ZNF841: variants seen among roughly 807,000 people sequenced by gnomAD.
The protein encoded by ZNF841 is zinc finger protein 841, also known as TCONS_00006091.
A neutral mutation model predicts 13.0 loss-of-function variants in ZNF841; 11 were observed. That is an observed-to-expected ratio of 0.85 (90% confidence interval 0.53 to 1.40). The LOEUF (loss-of-function observed/expected upper bound fraction) is 1.40. ZNF841 is among the 40% of genes most tolerant of loss of function. ZNF841 has a pLI of 0.00. For missense variants in ZNF841, 1,068 were observed against 1,139.5 expected (o/e 0.94, Z 0.90); for synonymous variants, 369 against 381.6 (o/e 0.97, Z 0.38).
Position 52,065,937 on chromosome 19 carries a change from C to T in ZNF841, c.1945G>A (p.Gly649Arg), listed in dbSNP as rs758703256. ...TCATTACATTTATAAGGTTTCTCTCCGGTATGAATTTTCCGATGACGTGCT... is the reference window on the plus strand; with the variant it reads ...TCATTACATTTATAAGGTTTCTCTCTGGTATGAATTTTCCGATGACGTGCT... ...CLARHRKIHT[G>R]EKPYKCNDCG... The change falls in exon 7 of 7, where the codon GGA (glycine) becomes AGA (arginine). Residue 649 changes from glycine to arginine, a missense_variant. Transcript: ENST00000594440. 1.4e-5 allele frequency: 22 copies of T among 1,614,048 alleles called. 1 individual carries two copies. Among genetic ancestry groups the T allele is most frequent in the Non-Finnish European group, 1.8e-5 (21 of 1,180,048 alleles).
At position 52,066,316 on chromosome 19, in the gene ZNF841, A is replaced by G. The variant is rs1193810225; in HGVS notation, c.1566T>C (p.Phe522=). 5.0e-6 allele frequency: 8 copies of G among 1,613,688 alleles called. No homozygotes were observed. The African/African-American group carries it at 1.1e-4, about 22-fold the overall frequency. ...PYKCNECGKA[F]NWGSLLTVHQ... is the part of the protein sequence containing the mutation. Reference sequence around the variant, plus strand: ...GTACAGTTAGTAATGAGCCCCAATTAAAGGCTTTGCCACATTCATTACATT... The same window carrying G: ...GTACAGTTAGTAATGAGCCCCAATTGAAGGCTTTGCCACATTCATTACATT... The change falls in exon 7 of 7, where the codon TTT becomes TTC. Residue 522 remains phenylalanine (F), a synonymous_variant. Coordinates refer to ENST00000594440, the MANE Select transcript of ZNF841 (RefSeq NM_001136499.2).
At chr19:52,076,353 G>T in intron 5 of ZNF841, 181 bp from the exon 6 acceptor site, 1 of 725,360 alleles carries the variant, frequency 1.4e-6, no homozygotes, top group Non-Finnish European at 2.1e-6. Flanking sequence ...TCTCTCCCAA[G>T]AAATACTGAA....
intron 4 of ZNF841, among the ~76,000 whole-genome samples, chr19:52,078,185 G>T (rs1013051209): frequency 6.6e-6 from 1 of 152,062 alleles, no homozygotes; most frequent in African/African-American, 2.4e-5. Flanking sequence ...AGCTACTGGG[G>T]AGGCTGACAC....
chr19:52,060,061 C>T (rs2087372697), downstream of ZNF841, among the ~76,000 whole-genome samples: 1 of 152,190 alleles, frequency 6.6e-6, no homozygotes, highest in South Asian at 2.1e-4. Flanking sequence ...TGTATCTGGG[C>T]CACTGCTTGG....
Position 52,084,767 on chromosome 19 carries a change from C to A in ZNF841, c.15+20G>T, listed in dbSNP as rs1410127233. 2 of 1,613,172 alleles carry A rather than the reference C, an allele frequency of 1.2e-6. No individual in the cohort carries two copies. The highest frequency in any genetic ancestry group is 1.7e-6 in the Non-Finnish European group (2 of 1,179,546). ...CAAAAAGGGAGGAGACAGAACAATC[C>A]ACCAAGATTATCACTTTACCTGAGG... On this transcript the variant is annotated intron_variant, in intron 4 of 6. Coordinates refer to ENST00000594440, the MANE Select transcript of ZNF841 (RefSeq NM_001136499.2).
In ZNF841 at chr19:52,066,394, T is replaced by C. The variant is rs1568535030; in HGVS notation, c.1488A>G (p.Gln496=). The C allele has an allele frequency of 3.1e-6, 5 of 1,613,654 alleles. No homozygotes were observed. The African/African-American group carries it at 4.0e-5, about 13-fold the overall frequency. Residue 496 remains glutamine, a synonymous_variant, in exon 7 of 7, where the codon CAA becomes CAG. Transcript: ENST00000594440. The part of the protein sequence containing the change: ...KCNECGKVFS[Q]HSHLAVHQRV... ...TCTGATGCACTGCAAGATGTGAATG[T>C]TGACTGAAGACCTTGCCACATTCAT... is the stretch of plus-strand genomic sequence containing the variant.
At chr19:52,077,226 G>A (rs768043019) in intron 4 of ZNF841, 142 bp from the exon 5 acceptor site, 16 of 950,504 alleles carry the variant, frequency 1.7e-5, no homozygotes, top group Middle Eastern at 2.3e-4. Context: ...AGATAATTAC[G>A]TCTCCCTGAT....
At position 52,077,071 on chromosome 19, in the gene ZNF841, A is replaced by G. The variant is rs1224525843; in HGVS notation, c.29T>C (p.Phe10Ser). The G allele has an allele frequency of 3.7e-6, 6 of 1,610,274 alleles. No homozygotes were observed. The highest frequency in any genetic ancestry group is 5.1e-6 in the Non-Finnish European group (6 of 1,178,362). The change falls in exon 5 of 7, where the codon TTC (phenylalanine) becomes TCC (serine). Residue 10 changes from phenylalanine (F) to serine (S), a missense_variant. Phe to Ser is a radical substitution (Grantham distance 155). Transcript: ENST00000594440. MALPQGSLT[F>S]RDVAVEFSQE... ...AGAGAATTCTACAGCCACATCCCTG[A>G]ATGTCAAAGATCCCTGAAATGAAAA...
intron 3 of ZNF841, among the ~76,000 whole-genome samples, chr19:52,087,311 C>G (rs1386778920): frequency 6.6e-6 from 1 of 152,134 alleles, no homozygotes; most frequent in Non-Finnish European, 1.5e-5. Context: ...ATTTCATCAT[C>G]CGGGTATTAA....
chr19:52,067,405 A>G lies in ZNF841; in HGVS notation c.477T>C (p.His159=). The change falls in exon 7 of 7, where the codon CAT becomes CAC. Residue 159 remains histidine, a synonymous_variant. Transcript: ENST00000594440. The part of the protein sequence containing the change: ...EINYKEGPMT[H]KNNLTGQRVR... ...CTCTTTGACCAGTAAGATTGTTTTTATGGGTCATCGGCCCTTCTTTATAAT... is the reference window on the plus strand; with the variant it reads ...CTCTTTGACCAGTAAGATTGTTTTTGTGGGTCATCGGCCCTTCTTTATAAT... 4.5e-6 allele frequency: 7 copies of G among 1,546,460 alleles called. No individual in the cohort carries two copies. The African/African-American group carries it at 5.5e-5, about 12-fold the overall frequency.
chr19:52,073,534 C>T (rs936411210), intron 6 of ZNF841, among the ~76,000 whole-genome samples: 7 of 152,092 alleles, frequency 4.6e-5, no homozygotes, highest in Admixed American at 4.6e-4. Context: ...CTCCTGACCT[C>T]AGACCTCAAA....
intron 4 of ZNF841, among the ~76,000 whole-genome samples, chr19:52,079,006 T>C (rs193202553): frequency 1.8e-4 from 27 of 152,310 alleles, no homozygotes; most frequent in Non-Finnish European, 3.4e-4. Flanking sequence ...TGTTTTAGCA[T>C]GCTTGGGACA....
At chr19:52,072,687 C>T (rs1033616346) in intron 6 of ZNF841, among the ~76,000 whole-genome samples, 6 of 152,030 alleles carry the variant, frequency 3.9e-5, no homozygotes, top group African/African-American at 1.4e-4. Flanking sequence ...AGCATGGTGG[C>T]AGATGCCTGT....
chr19:52,063,208 C>T (rs1449976756), downstream of ZNF841, among the ~76,000 whole-genome samples: 1 of 152,004 alleles, frequency 6.6e-6, no homozygotes, highest in African/African-American at 2.4e-5. Context: ...ACGTTAATTA[C>T]ATTTGCAAGG....
intron 1 of ZNF841, among the ~76,000 whole-genome samples, chr19:52,094,469 A>C (rs75516928): frequency 6.6e-6 from 1 of 151,602 alleles, no homozygotes; most frequent in Non-Finnish European, 1.5e-5. Flanking sequence ...TGTTCTGCCC[A>C]ATGCTCTGCA....
rs560375863 is a variant in ZNF841, at chr19:52,070,688, T to C, written c.272-3078A>G. Among the ~76,000 whole-genome samples the C allele has an allele frequency of 9.2e-5, 14 of 152,336 alleles. No individual in the cohort carries two copies. In the South Asian group the frequency reaches 2.9e-3, roughly 32 times the overall value. On this transcript the variant is annotated intron_variant, in intron 6 of 6. Transcript: ENST00000594440. ...TCACGTCCCACAGGCTTTGGCTCCC[T>C]GCAATGCTGTGTTGCCAAAAGCATT...
chr19:52,068,038 C>G (rs2087637436), intron 6 of ZNF841, among the ~76,000 whole-genome samples: 1 of 151,428 alleles, frequency 6.6e-6, no homozygotes, highest in Non-Finnish European at 1.5e-5. Context: ...TAAATATTAA[C>G]TAATAAATAA....
chr19:52,085,714 C>G lies in ZNF841; in HGVS notation c.-77-836G>C, dbSNP rs4801909. Among the ~76,000 whole-genome samples, 1,359 of 152,242 alleles carry G rather than the reference C, an allele frequency of 8.9e-3. 5 individuals are homozygous for G. Among genetic ancestry groups the G allele is most frequent in the Non-Finnish European group, 0.015 (1,054 of 68,020 alleles). Reference sequence around the variant, plus strand: ...GCAGGAGCAACCTCAGCCCAGGGAACAGGAAAGAGGCCTGTGTGGCTGGAG... The same window carrying G: ...GCAGGAGCAACCTCAGCCCAGGGAAGAGGAAAGAGGCCTGTGTGGCTGGAG... On this transcript the variant is annotated intron_variant, in intron 3 of 6. Coordinates refer to ENST00000594440, the MANE Select transcript of ZNF841 (RefSeq NM_001136499.2).
intron 2 of ZNF841, among the ~76,000 whole-genome samples, chr19:52,091,027 T>C (rs2088480245): frequency 1.3e-5 from 2 of 152,198 alleles, no homozygotes; most frequent in Admixed American, 6.5e-5. Context: ...TCAATAAATA[T>C]GAAGGGCTCT....
Sources: gnomAD v4.1 joint callset for allele counts (sites outside exome capture counted in the v4.1 genomes callset) on GRCh38, gnomAD v4.1.1 for gene constraint, MANE v1.5 for transcripts, NCBI Gene and HGNC (gene_info 2026-07-23, HGNC 2026-07-21) for gene names.